The following RILPL1 variants were observed in gnomAD, a reference collection of about 807,000 sequenced individuals.
RILPL1 encodes Rab interacting lysosomal protein like 1, also known as RILP-like protein 1.
Under a neutral mutation model 50.3 loss-of-function variants are expected in RILPL1, and 33 were observed. The observed-to-expected ratio is 0.66, with a 90% confidence interval of 0.50 to 0.88. The LOEUF (loss-of-function observed/expected upper bound fraction) is 0.88. RILPL1 is among the 40% of genes least tolerant of loss of function. The pLI, the probability that RILPL1 is intolerant of heterozygous loss-of-function variation, is 0.00. For missense variants in RILPL1, 418 were observed against 542.5 expected, an observed-to-expected ratio of 0.77 and a Z score of 2.28; for synonymous variants, 205 against 228.6, an observed-to-expected ratio of 0.90 and a Z score of 0.93.
Position 123,489,478 on chromosome 12 carries a change from C to T in RILPL1, c.802-3673G>A, listed in dbSNP as rs1882548648. ...AGGAGATCGAGACCAGCCTGGCCAA[C>T]ATGGTGAAACCCCGTCTCTACTAAA... On this transcript the variant is annotated intron_variant, in intron 4 of 6. Coordinates refer to ENST00000376874, the MANE Select transcript of RILPL1 (RefSeq NM_178314.5). This position sits in a 1 kb window ranked among gnomAD's most constrained non-coding sequence, Gnocchi z 4.0. Among the ~76,000 whole-genome samples, 1 of 152,080 alleles carries T rather than the reference C, an allele frequency of 6.6e-6. No individual in the cohort carries two copies. Among genetic ancestry groups the T allele is most frequent in the Non-Finnish European group, 1.5e-5 (1 of 68,014 alleles).
intron 2 of RILPL1, among the ~76,000 whole-genome samples, chr12:123,508,192 A>G (rs184507680): frequency 5.9e-5 from 9 of 152,010 alleles, no homozygotes; most frequent in Non-Finnish European, 1.0e-4. Flanking sequence ...TCAGGAGGTC[A>G]AGACCAACCT....
At position 123,531,115 on chromosome 12, in the gene RILPL1, GAAA is replaced by G. The variant is rs10592345; in HGVS notation, c.309+2056_309+2058del. Among the ~76,000 whole-genome samples the G allele has an allele frequency of 9.2e-4, 132 of 143,672 alleles. 1 individual carries two copies. The highest frequency in any genetic ancestry group is 3.0e-3 in the African/African-American group (118 of 39,474). 94.3% of individuals were successfully genotyped at this position (143,672 alleles called of 152,430 possible). On this transcript the variant is annotated intron_variant, in intron 1 of 6. Coordinates refer to ENST00000376874, the MANE Select transcript of RILPL1 (RefSeq NM_178314.5). ...TTGAAGAGCCTTTGAGACTCTGCAG[GAAA>G]AAAAAAAAAAAATCATACAAGTCTC... is the stretch of plus-strand genomic sequence containing the variant.
rs1325465101 is a variant in RILPL1, at chr12:123,498,446, C to T, written c.801+98G>A. On this transcript the variant is annotated intron_variant, in intron 4 of 6. Coordinates refer to ENST00000376874, the MANE Select transcript of RILPL1 (RefSeq NM_178314.5). This position sits in a 1 kb window ranked among gnomAD's most constrained non-coding sequence, Gnocchi z 4.3. ...CTATGTTGCCCAGGTTGGCCATTTT[C>T]TGAAGTATAATGGGGAAAACAAGGC... The T allele has an allele frequency of 1.8e-6, 2 of 1,120,084 alleles. No individual in the cohort carries two copies. The highest frequency in any genetic ancestry group is 2.1e-5 in the Admixed American group (1 of 48,668). 69.4% of individuals were successfully genotyped at this position (1,120,084 alleles called of 1,614,324 possible). A position where few individuals can be genotyped will look rare whatever the true frequency, so the allele number is the denominator to read the frequency against.
intron 6 of RILPL1, among the ~76,000 whole-genome samples, chr12:123,479,753 C>T (rs1023030634): frequency 6.6e-6 from 1 of 152,214 alleles, no homozygotes. Flanking sequence ...CTCGCTCTCT[C>T]GTCTTTCTCT....
At chr12:123,517,546 C>A (rs1003841879) in intron 2 of RILPL1, among the ~76,000 whole-genome samples, 1 of 151,742 alleles carries the variant, frequency 6.6e-6, no homozygotes, top group South Asian at 2.1e-4. Flanking sequence ...CTCAGCCTCC[C>A]GAGTAGCTGG....
chr12:123,479,127 G>A (rs943163589), intron 6 of RILPL1, among the ~76,000 whole-genome samples: 2 of 152,108 alleles, frequency 1.3e-5, no homozygotes, highest in Admixed American at 1.3e-4. Context: ...GGTGGGAGCA[G>A]AAAAGGAATG....
intron 1 of RILPL1, among the ~76,000 whole-genome samples, chr12:123,527,884 A>G (rs950360919): frequency 6.6e-6 from 1 of 152,202 alleles, no homozygotes; most frequent in East Asian, 1.9e-4. Context: ...AAAGAAATGG[A>G]TCCTCCTCCA....
intron 1 of RILPL1, among the ~76,000 whole-genome samples, chr12:123,530,828 C>CTG (rs1250986380): frequency 6.6e-6 from 1 of 152,168 alleles, no homozygotes; most frequent in Non-Finnish European, 1.5e-5. Flanking sequence ...TATGGCCTGT[C>CTG]ATCAGAGTTG....
chr12:123,475,365 C>T (rs775577438), intron 6 of RILPL1: 100 of 406,898 alleles, frequency 2.5e-4, no homozygotes, highest in Non-Finnish European at 3.9e-4. Context: ...ATTACTGACC[C>T]GTCACTTAAA....
At position 123,485,837 on chromosome 12, in the gene RILPL1, C is replaced by T; in HGVS notation, c.802-32G>A. Reference sequence around the variant, plus strand: ...GAGGCAGAGATGCTGCTAATGAATTCTTGGCAGCCACTGCCAGCACCCACT... The same window carrying T: ...GAGGCAGAGATGCTGCTAATGAATTTTTGGCAGCCACTGCCAGCACCCACT... On this transcript the variant is annotated intron_variant, in intron 4 of 6. Transcript: ENST00000376874. This position sits in a 1 kb window ranked among gnomAD's most constrained non-coding sequence, Gnocchi z 4.0. 2 of 1,571,646 alleles carry T rather than the reference C, an allele frequency of 1.3e-6. No homozygotes were observed. The highest frequency in any genetic ancestry group is 1.9e-5 in the Admixed American group (1 of 52,208).
intron 2 of RILPL1, among the ~76,000 whole-genome samples, chr12:123,503,186 C>CT (rs373514624): frequency 0.02 from 1,599 of 80,524 alleles, 317 homozygotes; most frequent in African/African-American, 0.029. Context: ...CACGCCTGGC[C>CT]TTTTTTTTTT....
At chr12:123,521,394 A>C (rs913385360) in intron 2 of RILPL1, among the ~76,000 whole-genome samples, 3 of 151,798 alleles carry the variant, frequency 2.0e-5, no homozygotes, top group Non-Finnish European at 2.9e-5. Context: ...TTTTGTTTTC[A>C]TTGTTACTAA....
intron 2 of RILPL1, among the ~76,000 whole-genome samples, chr12:123,506,760 A>G (rs917709875): frequency 3.3e-5 from 5 of 152,182 alleles, no homozygotes; most frequent in African/African-American, 1.2e-4. Flanking sequence ...CTTTCTGATG[A>G]TGCTGTTCAT....
At chr12:123,523,788 G>A (rs918935403) in intron 1 of RILPL1, 143 bp from the exon 2 acceptor site, 9 of 881,644 alleles carry the variant, frequency 1.0e-5, no homozygotes, top group Admixed American at 8.5e-5. Flanking sequence ...AGGCCACCAC[G>A]AGTCCCATAT....
chr12:123,503,295 G>T (rs537670307), intron 2 of RILPL1, among the ~76,000 whole-genome samples: 1 of 140,368 alleles, frequency 7.1e-6, no homozygotes, highest in South Asian at 2.4e-4. Flanking sequence ...CTGTCTCCCC[G>T]GTTCAAGCGA....
intron 6 of RILPL1, among the ~76,000 whole-genome samples, chr12:123,480,121 A>T (rs1881863920): frequency 6.6e-6 from 1 of 150,836 alleles, no homozygotes. Flanking sequence ...AATGCAGTAC[A>T]TTGGAAGTGA....
chr12:123,528,552 G>A (rs61953541), intron 1 of RILPL1, among the ~76,000 whole-genome samples: 7 of 150,736 alleles, frequency 4.6e-5, no homozygotes, highest in Non-Finnish European at 8.9e-5. Flanking sequence ...CTCAGCCTCC[G>A]AAGTAGCTGG....
intron 1 of RILPL1, among the ~76,000 whole-genome samples, chr12:123,526,511 G>A (rs1432526720): frequency 1.3e-5 from 2 of 152,034 alleles, no homozygotes; most frequent in African/African-American, 4.8e-5. Context: ...GGATTAAATG[G>A]TTACTATAAG....
intron 6 of RILPL1, among the ~76,000 whole-genome samples, chr12:123,480,383 C>T (rs185181981): frequency 2.2e-4 from 34 of 151,964 alleles, no homozygotes; most frequent in African/African-American, 6.5e-4. Context: ...ACACTGGTCT[C>T]GAACTCCTGA....
Sources: gnomAD v4.1 joint callset for allele counts (sites outside exome capture counted in the v4.1 genomes callset) on GRCh38, gnomAD v4.1.1 for gene constraint, Gnocchi (gnomAD v3.1) non-coding constraint, MANE v1.5 for transcripts, NCBI Gene and HGNC (gene_info 2026-07-23, HGNC 2026-07-21) for gene names.